SLC35F1: variants seen among roughly 807,000 people sequenced by gnomAD.
SLC35F1 encodes the protein chromosome 6 open reading frame 169.
Under a neutral mutation model 48.7 loss-of-function variants are expected in SLC35F1, and 14 were observed. The ratio of observed to expected loss-of-function variants is 0.29; its 90% CI spans 0.19 to 0.45. SLC35F1 has a LOEUF of 0.45. Among genes scored for constraint, SLC35F1 ranks in the 20% least tolerant of loss-of-function variants. The pLI is 1.00. For missense variants in SLC35F1, 404 were observed against 500.0 expected (o/e 0.81, Z 1.83); for synonymous variants, 190 against 202.2 (o/e 0.94, Z 0.51).
chr6:118,230,339 CA>C (rs5879452), intron 2 of SLC35F1, among the ~76,000 whole-genome samples: 131,160 of 146,596 alleles, frequency 0.89, 58,694 homozygotes, highest in East Asian at 0.97. Flanking sequence ...ACTCCATCTA[CA>C]AAAAAAAAAA....
chr6:118,039,174 T>A (rs1477779193), intron 1 of SLC35F1, among the ~76,000 whole-genome samples: 5 of 152,176 alleles, frequency 3.3e-5, no homozygotes. Flanking sequence ...GCTTTCAAGA[T>A]GTTGTCTTAC....
intron 1 of SLC35F1, among the ~76,000 whole-genome samples, chr6:118,130,321 T>TGG (rs1357839861): frequency 2.6e-5 from 4 of 152,174 alleles, no homozygotes; most frequent in Non-Finnish European, 5.9e-5. Context: ...AAGAGGCGTG[T>TGG]GCTTCAGTTT....
intron 2 of SLC35F1, among the ~76,000 whole-genome samples, chr6:118,162,930 G>A (rs1174430271): frequency 6.6e-6 from 1 of 151,690 alleles, no homozygotes; most frequent in Non-Finnish European, 1.5e-5. Flanking sequence ...TGCATTTCGT[G>A]TGTGTGCTAA....
chr6:118,163,488 A>G (rs906223518), intron 2 of SLC35F1, among the ~76,000 whole-genome samples: 10 of 152,000 alleles, frequency 6.6e-5, no homozygotes, highest in Non-Finnish European at 1.2e-4. Context: ...CCCCATGCCA[A>G]ATACTTTATT....
At chr6:118,011,728 T>G (rs1387643129) in intron 1 of SLC35F1, among the ~76,000 whole-genome samples, 3 of 152,116 alleles carry the variant, frequency 2.0e-5, no homozygotes, top group Non-Finnish European at 4.4e-5. Flanking sequence ...TGCTGCCCAA[T>G]TCCAAACAGG....
intron 1 of SLC35F1, among the ~76,000 whole-genome samples, chr6:118,098,289 GACTTAAATC>G (rs1773207311): frequency 6.6e-6 from 1 of 152,154 alleles, no homozygotes; most frequent in African/African-American, 2.4e-5. Context: ...ATGTCCTGAA[GACTTAAATC>G]AGAATACGTA....
chr6:117,958,605 A>G (rs184759812), intron 1 of SLC35F1, among the ~76,000 whole-genome samples: 223 of 152,316 alleles, frequency 1.5e-3, no homozygotes, highest in African/African-American at 5.1e-3. Flanking sequence ...GATTGCCTAC[A>G]GTATTCAGTA....
chr6:118,085,893 T>C (rs35355824), intron 1 of SLC35F1, among the ~76,000 whole-genome samples: 13 of 152,118 alleles, frequency 8.5e-5, no homozygotes, highest in Non-Finnish European at 1.8e-4. Flanking sequence ...GTTCTATGTA[T>C]TTTTTCATAG....
At chr6:118,091,471 C>A (rs1773072449) in intron 1 of SLC35F1, among the ~76,000 whole-genome samples, 1 of 152,186 alleles carries the variant, frequency 6.6e-6, no homozygotes, top group Non-Finnish European at 1.5e-5. Context: ...TGCCTGCTGC[C>A]ATGTAAGACT....
At chr6:118,292,832 C>A (rs1035510019) in intron 7 of SLC35F1, among the ~76,000 whole-genome samples, 1 of 152,054 alleles carries the variant, frequency 6.6e-6, no homozygotes, top group Non-Finnish European at 1.5e-5. Context: ...AAGCAAATGA[C>A]CTAATTCTAA....
At chr6:117,948,271 A>G (rs1582579800) in intron 1 of SLC35F1, among the ~76,000 whole-genome samples, 1 of 152,170 alleles carries the variant, frequency 6.6e-6, no homozygotes, top group Admixed American at 6.5e-5. Context: ...CTTAAGACCT[A>G]TGAATTCTAA....
intron 1 of SLC35F1, among the ~76,000 whole-genome samples, chr6:117,994,877 A>G (rs1459573324): frequency 6.6e-6 from 1 of 152,154 alleles, no homozygotes; most frequent in Non-Finnish European, 1.5e-5. Context: ...TATTTTTTTC[A>G]ATTTTCAAGC....
At chr6:117,967,885 T>C (rs982790458) in intron 1 of SLC35F1, among the ~76,000 whole-genome samples, 22 of 152,328 alleles carry the variant, frequency 1.4e-4, no homozygotes, top group African/African-American at 5.3e-4. Context: ...AACTCTCTTG[T>C]AAGTCTTCAA....
intron 7 of SLC35F1, among the ~76,000 whole-genome samples, chr6:118,312,423 A>AT (rs1776381920): frequency 6.6e-6 from 1 of 152,166 alleles, no homozygotes; most frequent in Non-Finnish European, 1.5e-5. Flanking sequence ...ATACCATTTT[A>AT]TTTTACAAAT....
At chr6:118,200,068 A>G (rs572573588) in intron 2 of SLC35F1, among the ~76,000 whole-genome samples, 2 of 152,242 alleles carry the variant, frequency 1.3e-5, no homozygotes, top group African/African-American at 2.4e-5. Flanking sequence ...CTTTTGATAC[A>G]TAGTACCAAA....
At chr6:118,099,428 A>AACCATC (rs1271260068) in intron 1 of SLC35F1, among the ~76,000 whole-genome samples, 2 of 151,882 alleles carry the variant, frequency 1.3e-5, no homozygotes, top group Non-Finnish European at 2.9e-5. Flanking sequence ...GTTTGCATTA[A>AACCATC]GTTCTCTTTC....
At chr6:117,995,775 T>C (rs1488303372) in intron 1 of SLC35F1, among the ~76,000 whole-genome samples, 1 of 151,784 alleles carries the variant, frequency 6.6e-6, no homozygotes, top group Non-Finnish European at 1.5e-5. Flanking sequence ...TAAATAAAAA[T>C]TAAAAAAAGG....
intron 3 of SLC35F1, among the ~76,000 whole-genome samples, chr6:118,245,292 C>G (rs1234530983): frequency 6.6e-6 from 1 of 152,196 alleles, no homozygotes; most frequent in Admixed American, 6.5e-5. Flanking sequence ...TTTAAAAACT[C>G]TCTTTGGATA....
intron 1 of SLC35F1, among the ~76,000 whole-genome samples, chr6:117,992,772 C>A (rs1417297308): frequency 6.6e-6 from 1 of 152,198 alleles, no homozygotes; most frequent in Non-Finnish European, 1.5e-5. Context: ...GAGAGAAATT[C>A]AATTCCTTAT....
Sources: allele counts gnomAD v4.1 joint callset (sites outside exome capture counted in the v4.1 genomes callset), GRCh38; gene constraint gnomAD v4.1.1; transcripts MANE v1.5; gene names NCBI Gene and HGNC (gene_info 2026-07-23, HGNC 2026-07-21).